CHD1L: variants seen among roughly 807,000 people sequenced by gnomAD.
CHD1L encodes chromodomain helicase DNA binding protein 1 like.
Under a neutral mutation model 115.9 loss-of-function variants are expected in CHD1L, and 118 were observed. That is an observed-to-expected ratio of 1.02 (90% CI 0.88 to 1.19). The LOEUF is 1.19. Ranked by LOEUF, CHD1L falls within the 50% of genes most tolerant of loss-of-function variation. CHD1L has a pLI of 0.00. For synonymous variants in CHD1L, 411 were observed against 387.1 expected (o/e 1.06, Z -0.72); for missense variants, 1,179 against 1,065.3 (o/e 1.11, Z -1.49).
the CHD1L span, among the ~76,000 whole-genome samples, chr1:147,191,719 T>TTCTA: frequency 6.6e-6 from 1 of 151,732 alleles, no homozygotes. Context: ...AGTTTCAGCT[T>TTCTA]TCTACATATG....
At chr1:147,254,221 C>G (rs1553938252) in intron 2 of CHD1L, among the ~76,000 whole-genome samples, 1 of 152,166 alleles carries the variant, frequency 6.6e-6, no homozygotes, top group Non-Finnish European at 1.5e-5. Flanking sequence ...ATTTTATACC[C>G]TTCCTTAAGC....
At chr1:147,184,748 C>A in the CHD1L span, 2 of 1,217,474 alleles carry the variant, frequency 1.6e-6, no homozygotes, top group Non-Finnish European at 2.1e-6. This position sits in a 1 kb window ranked among gnomAD's most constrained non-coding sequence, Gnocchi z 4.4. Context: ...ATCTTGATAA[C>A]CTAGCCGAGA....
upstream of CHD1L, among the ~76,000 whole-genome samples, chr1:147,240,873 T>A (rs1553930667): frequency 6.6e-6 from 1 of 152,170 alleles, no homozygotes; most frequent in African/African-American, 2.4e-5. Flanking sequence ...CTCTGAGAAA[T>A]GCCCGATAAT....
At chr1:147,287,848 G>A (rs1683854745) in intron 19 of CHD1L, 115 bp downstream of exon 19, 7 of 827,396 alleles carry the variant, frequency 8.5e-6, no homozygotes, top group Non-Finnish European at 9.2e-6. Context: ...AACCAGTTGG[G>A]GACTGAATTC....
the CHD1L span, among the ~76,000 whole-genome samples, chr1:147,183,197 C>CA: frequency 9.6e-4 from 144 of 149,562 alleles, no homozygotes; most frequent in African/African-American, 3.0e-3. Context: ...GACTCTGTCT[C>CA]AAAAAAAAAG....
the CHD1L span, chr1:147,187,288 A>G: frequency 1.2e-5 from 18 of 1,440,936 alleles, no homozygotes; most frequent in South Asian, 4.0e-5. Context: ...CAATAATTCA[A>G]TCAGTCAGTC....
At chr1:147,280,720 G>A (rs978331195) in intron 15 of CHD1L, among the ~76,000 whole-genome samples, 3 of 152,004 alleles carry the variant, frequency 2.0e-5, no homozygotes, top group Non-Finnish European at 4.4e-5. Context: ...CCTGAATTTG[G>A]TCAGCATTTG....
At chr1:147,260,883 G>A (rs1416824104) in intron 6 of CHD1L, 1 of 152,158 alleles carries the variant, frequency 6.6e-6, no homozygotes, top group Non-Finnish European at 1.5e-5. Context: ...AGTGCGATGT[G>A]AAATACCCTT....
At chr1:147,293,770 C>T (rs2297752) in intron 21 of CHD1L, 48 bp downstream of exon 21, 2 of 1,469,378 alleles carry the variant, frequency 1.4e-6, no homozygotes, top group Non-Finnish European at 1.9e-6. Flanking sequence ...TGTTTCTAGG[C>T]ATGTGATACG....
At chr1:147,263,559 C>A (rs1672752266) in intron 6 of CHD1L, among the ~76,000 whole-genome samples, 1 of 151,828 alleles carries the variant, frequency 6.6e-6, no homozygotes, top group African/African-American at 2.4e-5. Flanking sequence ...GACCTAATAT[C>A]TTTTCTTCTT....
the CHD1L span, chr1:147,209,189 G>C: frequency 2.8e-4 from 165 of 584,574 alleles, no homozygotes; most frequent in African/African-American, 3.0e-3. Flanking sequence ...GGAGGCCAAG[G>C]CGGGCGGATC....
intron 1 of CHD1L, among the ~76,000 whole-genome samples, chr1:147,245,844 A>C (rs1349811501): frequency 1.3e-5 from 2 of 152,094 alleles, no homozygotes; most frequent in African/African-American, 2.4e-5. Context: ...GTTTTAAGAA[A>C]TAATACGGAA....
At chr1:147,264,185 A>G (rs1310590746) in intron 6 of CHD1L, among the ~76,000 whole-genome samples, 4 of 152,188 alleles carry the variant, frequency 2.6e-5, no homozygotes, top group Admixed American at 1.3e-4. Flanking sequence ...ACATCCTTAT[A>G]TAAGTGTTTT....
the CHD1L span, among the ~76,000 whole-genome samples, chr1:147,182,492 CTTAT>C: frequency 1.3e-5 from 2 of 151,978 alleles, no homozygotes; most frequent in African/African-American, 2.4e-5. Flanking sequence ...AAACTTAAAT[CTTAT>C]TTAAGTCATT....
chr1:147,187,385 G>A, the CHD1L span: 210 of 636,902 alleles, frequency 3.3e-4, no homozygotes, highest in African/African-American at 3.3e-3. Context: ...TAAAACATTG[G>A]TCACTGTCCT....
At chr1:147,220,211 T>C in the CHD1L span, among the ~76,000 whole-genome samples, 2 of 152,202 alleles carry the variant, frequency 1.3e-5, no homozygotes, top group African/African-American at 4.8e-5. Context: ...GTAATACCCC[T>C]GAAATTACAT....
chr1:147,294,647 T>G, intron 22 of CHD1L, 130 bp downstream of exon 22: 1 of 603,168 alleles, frequency 1.7e-6, no homozygotes, highest in Non-Finnish European at 2.8e-6. Flanking sequence ...CCCTCTTCAG[T>G]GAGACAAAGA....
At chr1:147,219,977 T>G in the CHD1L span, among the ~76,000 whole-genome samples, 1 of 151,958 alleles carries the variant, frequency 6.6e-6, no homozygotes, top group African/African-American at 2.4e-5. Context: ...TAACTGGGAC[T>G]ACAGGCGCAT....
chr1:147,242,751 C>G lies in CHD1L; in HGVS notation c.48C>G (p.Phe16Leu). Reference sequence around the variant, plus strand: ...GCCGCGGGGGCCAAGCCCCTGGCTTCTTACTGCGGCTTCATACTGAGGGCC... The same window carrying G: ...GCCGCGGGGGCCAAGCCCCTGGCTTGTTACTGCGGCTTCATACTGAGGGCC... ...ATSRGGQAPGFLLRLHTEGRA... is the reference protein window; with the variant it reads ...ATSRGGQAPGLLLRLHTEGRA... The change falls in exon 1 of 23, where the codon TTC (phenylalanine) becomes TTG (leucine). Residue 16 changes from phenylalanine to leucine, a missense_variant. Coordinates refer to ENST00000369258, the MANE Select transcript of CHD1L (RefSeq NM_004284.6). 1 of 1,265,266 alleles carries G rather than the reference C, an allele frequency of 7.9e-7. No homozygotes were observed. The highest frequency in any genetic ancestry group is 1.0e-6 in the Non-Finnish European group (1 of 998,362). 78.4% of individuals were successfully genotyped at this position (1,265,266 alleles called of 1,614,324 possible).
Sources: allele counts gnomAD v4.1 joint callset (sites outside exome capture counted in the v4.1 genomes callset), GRCh38; gene constraint gnomAD v4.1.1; non-coding constraint Gnocchi (gnomAD v3.1); transcripts MANE v1.5; gene names NCBI Gene and HGNC (gene_info 2026-07-23, HGNC 2026-07-21).